Variants in TBCA observed in about 807,000 individuals in gnomAD.
TBCA encodes the protein tubulin folding cofactor A.
TBCA carries 6 observed loss-of-function variants against 15.8 expected under a neutral mutation model. That is an observed-to-expected ratio of 0.38 (90% confidence interval 0.21 to 0.75). TBCA has a LOEUF of 0.75. Among genes scored for constraint, TBCA ranks in the 30% least tolerant of loss-of-function variants. The probability of loss-of-function intolerance (pLI) is 0.46; values close to 1 mark genes in which losing one functional copy is unlikely to be tolerated. For missense variants in TBCA, 90 were observed against 131.2 expected, an observed-to-expected ratio of 0.69 and a Z score of 1.53; for synonymous variants, 32 against 42.3, an observed-to-expected ratio of 0.76 and a Z score of 0.94.
At chr5:77,744,465 A>T (rs1026129040) in intron 1 of TBCA, among the ~76,000 whole-genome samples, 2 of 150,902 alleles carry the variant, frequency 1.3e-5, no homozygotes, top group Non-Finnish European at 2.9e-5. Flanking sequence ...CTCTGACCTC[A>T]TGAAGCATTC....
At chr5:77,705,022 T>G (rs551398435) in intron 2 of TBCA, among the ~76,000 whole-genome samples, 1 of 152,220 alleles carries the variant, frequency 6.6e-6, no homozygotes, top group African/African-American at 2.4e-5. Flanking sequence ...TAGTCAGTAA[T>G]GTAACTAGTG....
chr5:77,693,600 G>A, intron 2 of TBCA: 1 of 427,110 alleles, frequency 2.3e-6, no homozygotes, highest in Non-Finnish European at 4.3e-6. Context: ...GGAGGTTCAA[G>A]ACCAGCCTGA....
chr5:77,768,440 A>G (rs1580140333), intron 1 of TBCA, among the ~76,000 whole-genome samples: 1 of 152,306 alleles, frequency 6.6e-6, no homozygotes, highest in East Asian at 1.9e-4. Context: ...CTGGGAGCCC[A>G]TCTATTTAAC....
At chr5:77,733,444 C>G (rs375312752) in intron 1 of TBCA, among the ~76,000 whole-genome samples, 152 of 152,268 alleles carry the variant, frequency 1.0e-3, no homozygotes, top group African/African-American at 3.4e-3. Flanking sequence ...AGTGAACACA[C>G]GAATGATAAT....
chr5:77,717,564 T>C lies in TBCA; in HGVS notation c.54-9217A>G, dbSNP rs1481112065. On this transcript the variant is annotated intron_variant, in intron 1 of 3. Coordinates refer to ENST00000380377, the MANE Select transcript of TBCA (RefSeq NM_004607.3). ...TTTGCTTTTAGTCGGGCGCAGTGGC[T>C]CACGCCTGTAATCCCAGCACTTTGG... Among the ~76,000 whole-genome samples, 3 of 152,242 alleles carry C rather than the reference T, an allele frequency of 2.0e-5. No individual in the cohort carries two copies. In the East Asian group the frequency reaches 5.8e-4, roughly 29 times the overall value.
chr5:77,751,399 G>A (rs1447618782), intron 1 of TBCA, among the ~76,000 whole-genome samples: 1 of 151,658 alleles, frequency 6.6e-6, no homozygotes, highest in Non-Finnish European at 1.5e-5. Flanking sequence ...GGCTGGTCTC[G>A]AAATCCTGAC....
At chr5:77,735,548 C>T (rs1746879631) in intron 1 of TBCA, among the ~76,000 whole-genome samples, 1 of 152,096 alleles carries the variant, frequency 6.6e-6, no homozygotes, top group South Asian at 2.1e-4. Context: ...TCAATATAAT[C>T]CTGTCATTAT....
chr5:77,729,170 T>C (rs1229172298), intron 1 of TBCA, among the ~76,000 whole-genome samples: 1 of 151,968 alleles, frequency 6.6e-6, no homozygotes, highest in Non-Finnish European at 1.5e-5. Context: ...AAAAATTAGC[T>C]GGGCATGGTG....
intron 2 of TBCA, among the ~76,000 whole-genome samples, chr5:77,697,109 A>G (rs1384892281): frequency 6.6e-6 from 1 of 152,258 alleles, no homozygotes; most frequent in Admixed American, 6.5e-5. Flanking sequence ...AAAAACTGAT[A>G]GCACTGAAAG....
intron 2 of TBCA, among the ~76,000 whole-genome samples, chr5:77,697,083 T>A (rs933241132): frequency 1.2e-4 from 18 of 152,142 alleles, no homozygotes; most frequent in African/African-American, 3.4e-4. Context: ...CAACAGAGTT[T>A]AAAAATATGT....
chr5:77,730,612 C>T (rs6861424), intron 1 of TBCA, among the ~76,000 whole-genome samples: 2,344 of 87,190 alleles, frequency 0.027, 50 homozygotes, highest in African/African-American at 0.066. Context: ...TAAAGGACTT[C>T]AATTCAAGTG....
Position 77,736,605 on chromosome 5 carries a change from A to G in TBCA, c.54-28258T>C, listed in dbSNP as rs190665402. On this transcript the variant is annotated intron_variant, in intron 1 of 3. Transcript: ENST00000380377. ...GATGCCCCCCAAATATATCCTAGTCATTTCCTAAATGAGCTCTGGAGACTT... is the reference window on the plus strand; with the variant it reads ...GATGCCCCCCAAATATATCCTAGTCGTTTCCTAAATGAGCTCTGGAGACTT... Among the ~76,000 whole-genome samples the G allele has an allele frequency of 5.6e-4, 85 of 152,258 alleles. 1 individual carries two copies. Among genetic ancestry groups the G allele is most frequent in the African/African-American group, 2.0e-3 (82 of 41,534 alleles).
chr5:77,762,929 T>C (rs1186504786), intron 1 of TBCA, among the ~76,000 whole-genome samples: 1 of 152,188 alleles, frequency 6.6e-6, no homozygotes, highest in African/African-American at 2.4e-5. Flanking sequence ...CTTTTGCTAT[T>C]TATCTTGGAG....
intron 1 of TBCA, among the ~76,000 whole-genome samples, chr5:77,716,336 A>G (rs1392263331): frequency 6.6e-6 from 1 of 152,238 alleles, no homozygotes; most frequent in East Asian, 1.9e-4. Flanking sequence ...GGGCATCAAC[A>G]AATCTGCTCT....
intron 1 of TBCA, among the ~76,000 whole-genome samples, chr5:77,745,032 C>T (rs955573413): frequency 1.3e-5 from 2 of 152,176 alleles, no homozygotes; most frequent in Admixed American, 6.5e-5. Flanking sequence ...AACTACTTCA[C>T]ATTACATATT....
At chr5:77,707,703 T>C (rs571117887) in intron 2 of TBCA, among the ~76,000 whole-genome samples, 119 of 152,162 alleles carry the variant, frequency 7.8e-4, no homozygotes, top group African/African-American at 2.8e-3. Context: ...TATTTTATTT[T>C]TGTAGTCTTC....
intron 1 of TBCA, among the ~76,000 whole-genome samples, chr5:77,751,625 A>G (rs1747344804): frequency 6.6e-6 from 1 of 152,142 alleles, no homozygotes; most frequent in Non-Finnish European, 1.5e-5. Context: ...ATCAATGGCC[A>G]CCAAATCTTA....
Position 77,714,550 on chromosome 5 carries a change from A to T in TBCA, c.54-6203T>A, listed in dbSNP as rs182813511. 3.0e-3 allele frequency among the ~76,000 whole-genome samples: 443 copies of T among 149,268 alleles called. 2 individuals are homozygous for T. The highest frequency in any genetic ancestry group is 0.011 in the African/African-American group (419 of 39,898). ...GAGAAGAAAATTCATTAACTGACTT[A>T]ACAATTATTACTATTATTATTATTA... On this transcript the variant is annotated intron_variant, in intron 1 of 3. Transcript: ENST00000380377.
At chr5:77,727,308 G>C (rs1746651402) in intron 1 of TBCA, among the ~76,000 whole-genome samples, 1 of 150,174 alleles carries the variant, frequency 6.7e-6, no homozygotes, top group Non-Finnish European at 1.5e-5. Context: ...TTTAGTATCA[G>C]AGCTACAACT....
Sources: gnomAD v4.1 joint callset for allele counts (sites outside exome capture counted in the v4.1 genomes callset) on GRCh38, gnomAD v4.1.1 for gene constraint, MANE v1.5 for transcripts, NCBI Gene and HGNC (gene_info 2026-07-23, HGNC 2026-07-21) for gene names.